The following PHACTR1 variants were observed in gnomAD, a reference collection of about 807,000 sequenced individuals.
The protein encoded by PHACTR1 is RPEL repeat containing 1.
PHACTR1 carries 16 observed loss-of-function variants against 69.2 expected under a neutral mutation model. The ratio of observed to expected loss-of-function variants is 0.23; its 90% CI spans 0.16 to 0.35. The LOEUF is 0.35. Ranked by LOEUF, PHACTR1 falls within the 10% of genes least tolerant of loss-of-function variation. PHACTR1 has a pLI of 1.00. For synonymous variants in PHACTR1, 312 were observed against 284.5 expected (o/e 1.10, Z -0.97); for missense variants, 510 against 734.7 (o/e 0.69, Z 3.54).
chr6:12,739,090 TTG>T (rs60845578), intron 3 of PHACTR1, among the ~76,000 whole-genome samples: 21,678 of 152,172 alleles, frequency 0.14, 2,196 homozygotes, highest in East Asian at 0.52. Context: ...TGCGACACTC[TTG>T]TGACATGTCC....
intron 4 of PHACTR1, among the ~76,000 whole-genome samples, chr6:12,943,443 C>A (rs564498855): frequency 1.2e-3 from 178 of 152,304 alleles, no homozygotes; most frequent in Non-Finnish European, 2.2e-3. Context: ...GTGTCGATGG[C>A]TGCACAACAC....
intron 5 of PHACTR1, among the ~76,000 whole-genome samples, chr6:13,157,807 A>C (rs1471994105): frequency 6.6e-6 from 1 of 152,124 alleles, no homozygotes; most frequent in Non-Finnish European, 1.5e-5. Flanking sequence ...CCCGTACTTA[A>C]AGCCCCCCTG....
At chr6:13,284,517 C>CAAAAAAAAAA (rs58847683) in intron 13 of PHACTR1, among the ~76,000 whole-genome samples, 3 of 40,022 alleles carry the variant, frequency 7.5e-5, no homozygotes, top group Non-Finnish European at 1.1e-4. Flanking sequence ...AACTCCATCT[C>CAAAAAAAAAA]AAAAAAAAAA....
chr6:13,133,600 A>C (rs1315425519), intron 5 of PHACTR1, among the ~76,000 whole-genome samples: 1 of 151,940 alleles, frequency 6.6e-6, no homozygotes, highest in East Asian at 2.0e-4. Flanking sequence ...CTCAGTGCTC[A>C]ATGTTGCCCA....
intron 4 of PHACTR1, among the ~76,000 whole-genome samples, chr6:12,890,563 G>A (rs1784079865): frequency 6.6e-6 from 1 of 152,098 alleles, no homozygotes; most frequent in South Asian, 2.1e-4. Flanking sequence ...AGCCTCATGG[G>A]CCACCTTGTT....
chr6:13,043,448 G>A (rs950790613), intron 4 of PHACTR1, among the ~76,000 whole-genome samples: 3 of 152,068 alleles, frequency 2.0e-5, no homozygotes. Context: ...GCGGGTGGGG[G>A]GTGGCGCTGG....
At chr6:12,921,929 T>C (rs1381016657) in intron 4 of PHACTR1, among the ~76,000 whole-genome samples, 1 of 151,960 alleles carries the variant, frequency 6.6e-6, no homozygotes, top group Non-Finnish European at 1.5e-5. Flanking sequence ...CAGCAGGCCT[T>C]GTGAAAAGGG....
At chr6:12,831,274 G>T (rs977798058) in intron 4 of PHACTR1, among the ~76,000 whole-genome samples, 1 of 152,098 alleles carries the variant, frequency 6.6e-6, no homozygotes, top group East Asian at 1.9e-4. Context: ...GAACACTGGG[G>T]TCTATAGTCT....
intron 3 of PHACTR1, among the ~76,000 whole-genome samples, chr6:12,738,922 ATTATT>A (rs1167094498): frequency 6.6e-6 from 1 of 152,130 alleles, no homozygotes; most frequent in African/African-American, 2.4e-5. Context: ...AATTTATTAT[ATTATT>A]TATGTTTTTT....
chr6:12,756,205 A>G (rs527785474), intron 4 of PHACTR1, among the ~76,000 whole-genome samples: 167 of 152,010 alleles, frequency 1.1e-3, no homozygotes, highest in African/African-American at 3.8e-3. Context: ...GACAATTTGT[A>G]GAGCTTTTTT....
chr6:13,213,026 G>A (rs571760009), intron 8 of PHACTR1, among the ~76,000 whole-genome samples: 12 of 152,262 alleles, frequency 7.9e-5, no homozygotes, highest in African/African-American at 2.6e-4. Context: ...GTCCACAAGG[G>A]CAGGAACTGT....
At chr6:12,880,467 G>A (rs1782979126) in intron 4 of PHACTR1, among the ~76,000 whole-genome samples, 1 of 151,998 alleles carries the variant, frequency 6.6e-6, no homozygotes, top group African/African-American at 2.4e-5. Flanking sequence ...CGTTGCCCAG[G>A]CTCATCTGGA....
At chr6:13,022,923 G>A (rs895354662) in intron 4 of PHACTR1, among the ~76,000 whole-genome samples, 2 of 151,940 alleles carry the variant, frequency 1.3e-5, no homozygotes, top group African/African-American at 4.8e-5. Flanking sequence ...TGACTGAGGT[G>A]GGAGGATCAC....
At chr6:13,237,306 G>A (rs183751579) in intron 10 of PHACTR1, among the ~76,000 whole-genome samples, 4 of 152,254 alleles carry the variant, frequency 2.6e-5, no homozygotes, top group Admixed American at 2.6e-4. Flanking sequence ...GAGCCCAGGA[G>A]GTCGAGGCTG....
At chr6:12,745,550 G>A (rs954066687) in intron 3 of PHACTR1, among the ~76,000 whole-genome samples, 2 of 152,134 alleles carry the variant, frequency 1.3e-5, no homozygotes, top group Admixed American at 1.3e-4. Flanking sequence ...TCACATGATG[G>A]AAACAGCATG....
chr6:13,017,261 T>G (rs1800332967), intron 4 of PHACTR1, among the ~76,000 whole-genome samples: 1 of 152,102 alleles, frequency 6.6e-6, no homozygotes. Context: ...CAAGTTGATT[T>G]TTTTAATGGC....
chr6:13,145,557 C>A (rs1823206190), intron 5 of PHACTR1, among the ~76,000 whole-genome samples: 1 of 152,062 alleles, frequency 6.6e-6, no homozygotes, highest in Non-Finnish European at 1.5e-5. Flanking sequence ...ATGTTGGAGC[C>A]CTAACCCACA....
Position 13,079,255 on chromosome 6 carries a change from T to C in PHACTR1, c.415+25726T>C, listed in dbSNP as rs78434264. Among the ~76,000 whole-genome samples, 1,419 of 152,238 alleles carry C rather than the reference T, an allele frequency of 9.3e-3. 26 individuals are homozygous for C. Among genetic ancestry groups the C allele is most frequent in the African/African-American group, 0.032 (1,349 of 41,550 alleles). ...CATGCGATGGCTGGAGGTTTGGGCA[T>C]CGCAGAGATGGACAGATACCCATGA... On this transcript the variant is annotated intron_variant, in intron 5 of 14. Coordinates refer to ENST00000332995, the MANE Select transcript of PHACTR1 (RefSeq NM_030948.6).
intron 4 of PHACTR1, among the ~76,000 whole-genome samples, chr6:12,845,441 C>CG (rs1554149828): frequency 1.0e-5 from 1 of 100,316 alleles, no homozygotes; most frequent in Non-Finnish European, 2.2e-5. Flanking sequence ...CCCCCCCCCC[C>CG]CCGCCCTCCG....
Sources: gnomAD v4.1 joint callset for allele counts (sites outside exome capture counted in the v4.1 genomes callset) on GRCh38, gnomAD v4.1.1 for gene constraint, MANE v1.5 for transcripts, NCBI Gene and HGNC (gene_info 2026-07-23, HGNC 2026-07-21) for gene names.